SPRED1: variants seen among roughly 807,000 people sequenced by gnomAD.
The protein encoded by SPRED1 is sprouty related EVH1 domain containing 1, also known as sprouty-related, EVH1 domain-containing protein 1.
A neutral mutation model predicts 52.3 loss-of-function variants in SPRED1; 18 were observed. The observed-to-expected ratio is 0.34, with a 90% CI of 0.24 to 0.51. The LOEUF is 0.51. Ranked by LOEUF, SPRED1 falls within the 20% of genes least tolerant of loss-of-function variation. The pLI is 0.97. For missense variants in SPRED1, 485 were observed against 551.0 expected (o/e 0.88, Z 1.20); for synonymous variants, 155 against 179.7 (o/e 0.86, Z 1.10).
At chr15:38,253,686 C>A (rs1211409882) in intron 1 of SPRED1, among the ~76,000 whole-genome samples, 1 of 151,566 alleles carries the variant, frequency 6.6e-6, no homozygotes, top group African/African-American at 2.4e-5. Flanking sequence ...TCTTAAATAC[C>A]GATTAAGCCT....
chr15:38,312,882 T>C (rs1895396737), intron 2 of SPRED1, among the ~76,000 whole-genome samples: 1 of 152,042 alleles, frequency 6.6e-6, no homozygotes, highest in Non-Finnish European at 1.5e-5. Context: ...TCTTTTTTTC[T>C]TGTCCATTTC....
At chr15:38,280,495 A>G (rs908735415) in intron 1 of SPRED1, among the ~76,000 whole-genome samples, 1 of 146,380 alleles carries the variant, frequency 6.8e-6, no homozygotes, top group Admixed American at 7.1e-5. Flanking sequence ...TGACATGGAT[A>G]TCATCTTTGC....
chr15:38,301,040 A>G (rs1225712469), intron 2 of SPRED1, among the ~76,000 whole-genome samples: 4 of 152,194 alleles, frequency 2.6e-5, no homozygotes, highest in African/African-American at 9.6e-5. Context: ...TTAAGAGAGA[A>G]AAATGCTTGC....
At chr15:38,346,333 T>C (rs1896135457) in intron 5 of SPRED1, among the ~76,000 whole-genome samples, 1 of 151,564 alleles carries the variant, frequency 6.6e-6, no homozygotes. Context: ...AAAAATCCTC[T>C]GGATGGATAG....
intron 1 of SPRED1, among the ~76,000 whole-genome samples, chr15:38,288,951 T>G (rs11073313): frequency 0.2 from 30,048 of 152,164 alleles, 3,434 homozygotes; most frequent in Middle Eastern, 0.33. Context: ...TATTCAAAAT[T>G]AAGATTAGTT....
At chr15:38,324,604 A>G (rs922799267) in intron 3 of SPRED1, among the ~76,000 whole-genome samples, 159 bp from the exon 4 acceptor site, 1 of 152,200 alleles carries the variant, frequency 6.6e-6, no homozygotes, top group African/African-American at 2.4e-5. Flanking sequence ...TTATTCTAAC[A>G]GGGGCAAATG....
chr15:38,345,979 T>C (rs1016077330), intron 5 of SPRED1, among the ~76,000 whole-genome samples: 4 of 152,216 alleles, frequency 2.6e-5, no homozygotes, highest in Non-Finnish European at 5.9e-5. Flanking sequence ...GTTCCCTTAG[T>C]AATGCTTAAA....
intron 5 of SPRED1, among the ~76,000 whole-genome samples, chr15:38,344,224 G>A (rs1205563456): frequency 2.6e-5 from 4 of 152,130 alleles, no homozygotes; most frequent in Non-Finnish European, 5.9e-5. Context: ...GAGAGTGGAA[G>A]TATGCATATC....
At chr15:38,285,511 A>G (rs957233025) in intron 1 of SPRED1, among the ~76,000 whole-genome samples, 38 of 152,314 alleles carry the variant, frequency 2.5e-4, no homozygotes, top group African/African-American at 9.1e-4. Context: ...TGGTGAGCAC[A>G]ATAAGAGTAA....
intron 4 of SPRED1, among the ~76,000 whole-genome samples, chr15:38,338,904 G>A (rs1474605442): frequency 6.6e-6 from 1 of 151,972 alleles, no homozygotes; most frequent in Non-Finnish European, 1.5e-5. Flanking sequence ...CTTATGAAAG[G>A]TTTGAACCCT....
chr15:38,337,883 C>T lies in SPRED1; in HGVS notation c.424-1854C>T, dbSNP rs1895951642. Among the ~76,000 whole-genome samples the T allele has an allele frequency of 2.0e-5, 3 of 151,840 alleles. No individual in the cohort carries two copies. In the South Asian group the frequency reaches 6.2e-4, roughly 32 times the overall value. ...TTATAGTTTTCAGTCTCCTGAGTAT[C>T]CCAACCCTGAGATTATTGAGGCAGA... On this transcript the variant is annotated intron_variant, in intron 4 of 6. Coordinates refer to ENST00000299084, the MANE Select transcript of SPRED1 (RefSeq NM_152594.3).
At chr15:38,329,204 A>G (rs931145439) in intron 4 of SPRED1, among the ~76,000 whole-genome samples, 10 of 152,182 alleles carry the variant, frequency 6.6e-5, no homozygotes, top group Admixed American at 2.0e-4. Context: ...CTTAGATATC[A>G]TGTTTTTGGG....
chr15:38,292,600 G>C (rs914827588), intron 1 of SPRED1, among the ~76,000 whole-genome samples: 13 of 152,128 alleles, frequency 8.5e-5, no homozygotes, highest in African/African-American at 3.1e-4. Context: ...AGAAGTCCCT[G>C]ATAAACCCAT....
chr15:38,276,210 G>GTT (rs536478144), intron 1 of SPRED1, among the ~76,000 whole-genome samples: 233 of 121,214 alleles, frequency 1.9e-3, no homozygotes, highest in African/African-American at 5.6e-3. Flanking sequence ...TGCTGTGAAT[G>GTT]TTTTTTTTTT....
intron 5 of SPRED1, among the ~76,000 whole-genome samples, chr15:38,342,033 T>TTG (rs1595758250): frequency 4.0e-5 from 6 of 149,008 alleles, no homozygotes; most frequent in East Asian, 1.9e-4. Context: ...TTTGGGTTTT[T>TTG]TTTTTTTTTT....
intron 1 of SPRED1, among the ~76,000 whole-genome samples, chr15:38,274,952 T>C (rs1296320299): frequency 2.0e-5 from 3 of 152,254 alleles, no homozygotes; most frequent in African/African-American, 7.2e-5. Context: ...AGAAGATGTT[T>C]GTTTTGCCAG....
At chr15:38,286,331 TG>T (rs1173800065) in intron 1 of SPRED1, among the ~76,000 whole-genome samples, 1 of 152,186 alleles carries the variant, frequency 6.6e-6, no homozygotes, top group East Asian at 1.9e-4. Flanking sequence ...TGGCTCTTTT[TG>T]TATGTGTGAC....
intron 1 of SPRED1, among the ~76,000 whole-genome samples, chr15:38,269,515 G>T (rs559900831): frequency 6.6e-6 from 1 of 152,298 alleles, no homozygotes; most frequent in Non-Finnish European, 1.5e-5. Flanking sequence ...CCAGAGTGCT[G>T]AGATCACAGG....
chr15:38,269,231 CGCACCCAGCCAGTA>C, intron 1 of SPRED1, among the ~76,000 whole-genome samples: 2 of 152,156 alleles, frequency 1.3e-5, no homozygotes, highest in Non-Finnish European at 2.9e-5. Context: ...CGTGAGCCAC[CGCACCCAGCCAGTA>C]CTAACTTTTT....
Sources: gnomAD v4.1 joint callset for allele counts (sites outside exome capture counted in the v4.1 genomes callset) on GRCh38, gnomAD v4.1.1 for gene constraint, MANE v1.5 for transcripts, NCBI Gene and HGNC (gene_info 2026-07-23, HGNC 2026-07-21) for gene names.